NCAPD3: variants seen among roughly 807,000 people sequenced by gnomAD.
The protein encoded by NCAPD3 is condensin-2 complex subunit D3.
In NCAPD3, 105 loss-of-function variants were observed where a neutral mutation model predicts 182.9. The ratio of observed to expected loss-of-function variants is 0.57; its 90% CI spans 0.49 to 0.68. The LOEUF is 0.68. Among genes scored for constraint, NCAPD3 ranks in the 30% least tolerant of loss-of-function variants. NCAPD3 has a pLI of 0.00. For synonymous variants in NCAPD3, 815 were observed against 679.9 expected (o/e 1.20, Z -3.09); for missense variants, 1,944 against 1,837.0 (o/e 1.06, Z -1.07).
At chr11:134,155,965 ACAAG>A (rs1417302857) in intron 32 of NCAPD3, among the ~76,000 whole-genome samples, 1 of 152,192 alleles carries the variant, frequency 6.6e-6, no homozygotes, top group Non-Finnish European at 1.5e-5. Context: ...ACAGAACCAA[ACAAG>A]CAAGTAGCTA....
At chr11:134,158,852 C>G (rs1943502319) in intron 29 of NCAPD3, among the ~76,000 whole-genome samples, 1 of 152,186 alleles carries the variant, frequency 6.6e-6, no homozygotes, top group African/African-American at 2.4e-5. Context: ...CTCTGGTAAT[C>G]ACCAAAAATC....
chr11:134,182,847 A>C (rs1944326071), intron 19 of NCAPD3, among the ~76,000 whole-genome samples: 1 of 152,258 alleles, frequency 6.6e-6, no homozygotes, highest in African/African-American at 2.4e-5. Context: ...TGTTTAGGGG[A>C]AACAAGCGGG....
Position 134,202,821 on chromosome 11 carries a change from G to C in NCAPD3, c.1610C>G (p.Ser537Cys). 1 of 1,601,656 alleles carries C rather than the reference G, an allele frequency of 6.2e-7. No homozygotes were observed. The highest frequency in any genetic ancestry group is 1.7e-5 in the Admixed American group (1 of 57,704). ...AGTGATAAAATCTGACATACCTCCA[G>C]ATCCAACTGTTTCACCACTGCTGTC... ...NIDSSGETVG[S>C]GERCVMAMLR... Residue 537 changes from serine to cysteine, a missense_variant, in exon 13 of 35, where the codon TCT becomes TGT. Ser to Cys is a moderately radical substitution (Grantham distance 112). Transcript: ENST00000534548.
intron 19 of NCAPD3, among the ~76,000 whole-genome samples, chr11:134,181,466 C>T (rs1221942176): frequency 6.6e-6 from 1 of 152,168 alleles, no homozygotes; most frequent in Non-Finnish European, 1.5e-5. Context: ...TTTACAATGA[C>T]CCCATGTAGT....
intron 32 of NCAPD3, among the ~76,000 whole-genome samples, chr11:134,154,862 G>A (rs1342567151): frequency 1.3e-5 from 2 of 152,218 alleles, no homozygotes; most frequent in African/African-American, 2.4e-5. Flanking sequence ...ATGGCTACTT[G>A]AGTGTCACTA....
chr11:134,212,410 T>TG, intron 3 of NCAPD3, among the ~76,000 whole-genome samples: 2 of 151,484 alleles, frequency 1.3e-5, no homozygotes, highest in Non-Finnish European at 2.9e-5. Context: ...TGTGTGTGTG[T>TG]TCCACTGGAG....
intron 2 of NCAPD3, 43 bp downstream of exon 2, chr11:134,220,529 C>T: frequency 1.3e-6 from 2 of 1,575,518 alleles, no homozygotes; most frequent in Non-Finnish European, 1.7e-6. Flanking sequence ...TCATCTTCTA[C>T]TTCTAACACC....
intron 13 of NCAPD3, among the ~76,000 whole-genome samples, chr11:134,197,593 C>G (rs939997776): frequency 6.6e-6 from 1 of 152,056 alleles, no homozygotes; most frequent in Admixed American, 6.6e-5. Flanking sequence ...TTCTTTATAG[C>G]AATGCAAGAA....
intron 1 of NCAPD3, 84 bp from the exon 2 acceptor site, chr11:134,220,810 A>G (rs1938201137): frequency 7.4e-7 from 1 of 1,358,806 alleles, no homozygotes; most frequent in Non-Finnish European, 1.0e-6. Context: ...TGTGTTCAAG[A>G]GGAGAAAAGT....
rs1366429895 is a variant in NCAPD3 at position 134,216,997 on chromosome 11, T to C, written c.321A>G (p.Val107=). The C allele has an allele frequency of 1.2e-6, 2 of 1,614,044 alleles. No homozygotes were observed. The highest frequency in any genetic ancestry group is 1.7e-6 in the Non-Finnish European group (2 of 1,179,992). Residue 107 remains valine, a synonymous_variant, in exon 3 of 35, where the codon GTA becomes GTG. Transcript: ENST00000534548. ...CATGAAGGCCATATTCTCGATACTG[T>C]ACACTGACATTCTTCTTATGAACTA... ...VQIVHKKNVS[V]QYREYGLHAA... is the part of the protein sequence containing the mutation.
chr11:134,210,429 G>A lies in NCAPD3; in HGVS notation c.408C>T (p.His136=). Residue 136 remains histidine, a synonymous_variant, in exon 4 of 35, where the codon CAC becomes CAT. Coordinates refer to ENST00000534548, the MANE Select transcript of NCAPD3 (RefSeq NM_015261.3). ...VPGSVANQVF[H]PVMFDKCIQT... ...GAATGCATTTGTCAAACATCACTGGGTGGAATACTTGATTGGCTACACTGC... is the reference window on the plus strand; with the variant it reads ...GAATGCATTTGTCAAACATCACTGGATGGAATACTTGATTGGCTACACTGC... 6.2e-7 allele frequency: 1 copy of A among 1,614,054 alleles called. No individual in the cohort carries two copies. The highest frequency in any genetic ancestry group is 8.5e-7 in the Non-Finnish European group (1 of 1,179,954).
intron 3 of NCAPD3, among the ~76,000 whole-genome samples, chr11:134,211,549 G>T (rs1294099785): frequency 3.3e-5 from 5 of 152,120 alleles, no homozygotes; most frequent in Non-Finnish European, 5.9e-5. Flanking sequence ...ATTACAGGGA[G>T]TGCTAAAAAG....
intron 19 of NCAPD3, among the ~76,000 whole-genome samples, chr11:134,182,647 G>GT (rs1252411168): frequency 2.0e-5 from 3 of 152,108 alleles, no homozygotes; most frequent in African/African-American, 7.2e-5. Flanking sequence ...TGCTCCTCTT[G>GT]TTCTAGACAC....
At chr11:134,159,441 T>C (rs1286099938) in intron 29 of NCAPD3, among the ~76,000 whole-genome samples, 2 of 152,232 alleles carry the variant, frequency 1.3e-5, no homozygotes, top group Non-Finnish European at 2.9e-5. Context: ...CTGCCACTTG[T>C]AGATGCTGTG....
intron 1 of NCAPD3, among the ~76,000 whole-genome samples, chr11:134,221,441 G>C (rs1056639034): frequency 2.0e-5 from 3 of 151,354 alleles, no homozygotes; most frequent in Non-Finnish European, 2.9e-5. Context: ...TTGTTACATA[G>C]GTATACACGT....
intron 13 of NCAPD3, among the ~76,000 whole-genome samples, chr11:134,202,244 G>T (rs1944765197): frequency 6.6e-6 from 1 of 152,034 alleles, no homozygotes; most frequent in South Asian, 2.1e-4. Flanking sequence ...TTTCTTAAAT[G>T]TTGTTTCTAC....
At chr11:134,183,979 G>C (rs1423827616) in intron 19 of NCAPD3, among the ~76,000 whole-genome samples, 1 of 152,090 alleles carries the variant, frequency 6.6e-6, no homozygotes, top group African/African-American at 2.4e-5. Context: ...TTTTCATTAT[G>C]ATTGGTACTA....
At position 134,192,686 on chromosome 11, in the gene NCAPD3, T is replaced by C. The variant is rs1944548995; in HGVS notation, c.2045+3A>G. 6.2e-7 allele frequency: 1 copy of C among 1,611,768 alleles called. No homozygotes were observed. Among genetic ancestry groups the C allele is most frequent in the South Asian group, 1.1e-5 (1 of 91,024 alleles). The stretch of plus-strand genomic sequence containing the variant: ...GGGAACACAGGTCATACAGTTAACC[T>C]ACCTCAGTTCCTGGCTTTCGGTGGT... On this transcript the variant is annotated splice_donor_region_variant and intron_variant, in intron 16 of 34. Transcript: ENST00000534548.
chr11:134,194,267 G>A (rs567632101), intron 14 of NCAPD3, 117 bp from the exon 15 acceptor site: 2 of 1,069,078 alleles, frequency 1.9e-6, no homozygotes, highest in East Asian at 2.5e-5. Flanking sequence ...TTGGGGTCAT[G>A]GATCCAACCT....
Sources: gnomAD v4.1 joint callset for allele counts (sites outside exome capture counted in the v4.1 genomes callset) on GRCh38, gnomAD v4.1.1 for gene constraint, MANE v1.5 for transcripts, NCBI Gene and HGNC (gene_info 2026-07-23, HGNC 2026-07-21) for gene names.